Variants in XPNPEP3 observed in about 807,000 individuals in gnomAD.
The protein encoded by XPNPEP3 is X-prolyl aminopeptidase 3.
Under a neutral mutation model 60.0 loss-of-function variants are expected in XPNPEP3, and 41 were observed. That is an observed-to-expected ratio of 0.68 (90% CI 0.53 to 0.89). The LOEUF (loss-of-function observed/expected upper bound fraction) is 0.89, where lower values mean the gene tolerates loss of function less well. XPNPEP3 is among the 40% of genes least tolerant of loss of function. The pLI is 0.00. For missense variants in XPNPEP3, 598 were observed against 638.9 expected (o/e 0.94, Z 0.69); for synonymous variants, 212 against 223.2 (o/e 0.95, Z 0.45).
intron 4 of XPNPEP3, among the ~76,000 whole-genome samples, chr22:40,906,528 C>T (rs2058156284): frequency 6.6e-6 from 1 of 151,984 alleles, no homozygotes; most frequent in South Asian, 2.1e-4. Flanking sequence ...AGTGTTGTCC[C>T]CTAGGGAGCA....
Position 40,857,164 on chromosome 22 carries a change from C to T in XPNPEP3, c.-18C>T. On this transcript the variant is annotated 5_prime_UTR_variant, in exon 1 of 10. The change creates a new upstream start codon in the 5' untranslated region. Transcript: ENST00000357137. ...GTCGTTACCCTCTTTCTCTTCCCGA[C>T]GCGTGAGTTAGGCCGTAATGCCTTG... 6.2e-7 allele frequency: 1 copy of T among 1,614,094 alleles called. No homozygotes were observed. The highest frequency in any genetic ancestry group is 8.5e-7 in the Non-Finnish European group (1 of 1,180,000).
chr22:40,897,968 A>T (rs1023551662), intron 4 of XPNPEP3, among the ~76,000 whole-genome samples: 2 of 151,812 alleles, frequency 1.3e-5, no homozygotes, highest in African/African-American at 2.4e-5. Context: ...GGAATTCCTT[A>T]TATGTTTTTG....
chr22:40,891,712 GC>G (rs1312018217), intron 4 of XPNPEP3, among the ~76,000 whole-genome samples: 1 of 151,672 alleles, frequency 6.6e-6, no homozygotes, highest in Admixed American at 6.6e-5. Flanking sequence ...GAAGGATCCT[GC>G]AACAGAACTC....
chr22:40,926,215 A>G, intron 9 of XPNPEP3, 54 bp from the exon 10 acceptor site: 1 of 1,609,510 alleles, frequency 6.2e-7, no homozygotes, highest in Non-Finnish European at 8.5e-7. Context: ...ACTTGCCCCA[A>G]ACCACCCAGT....
At chr22:40,876,699 A>G (rs2058028708) in intron 2 of XPNPEP3, among the ~76,000 whole-genome samples, 1 of 152,150 alleles carries the variant, frequency 6.6e-6, no homozygotes, top group African/African-American at 2.4e-5. Flanking sequence ...TCCAACTCAC[A>G]AAAACCTAAC....
chr22:40,887,163 A>G (rs754566868), intron 4 of XPNPEP3, among the ~76,000 whole-genome samples: 44 of 152,322 alleles, frequency 2.9e-4, no homozygotes, highest in Non-Finnish European at 4.7e-4. Flanking sequence ...CAAAGTGACA[A>G]TGCTTACAGA....
chr22:40,878,896 A>G (rs900692677), intron 2 of XPNPEP3, among the ~76,000 whole-genome samples: 1 of 152,078 alleles, frequency 6.6e-6, no homozygotes, highest in Non-Finnish European at 1.5e-5. Flanking sequence ...CTGATTTTTA[A>G]ATTTCTTTTT....
intron 1 of XPNPEP3, among the ~76,000 whole-genome samples, chr22:40,866,603 A>G (rs2057979868): frequency 6.6e-6 from 1 of 152,182 alleles, no homozygotes; most frequent in Admixed American, 6.5e-5. Flanking sequence ...TAGGTCAGAT[A>G]AGGGAGCAGG....
intron 3 of XPNPEP3, among the ~76,000 whole-genome samples, chr22:40,883,341 T>C (rs750994832): frequency 9.9e-5 from 15 of 152,136 alleles, no homozygotes; most frequent in Non-Finnish European, 2.1e-4. Flanking sequence ...TTGTGGTTCA[T>C]ATACAGTTGA....
chr22:40,916,297 A>C (rs1198391642), intron 7 of XPNPEP3, among the ~76,000 whole-genome samples: 1 of 152,100 alleles, frequency 6.6e-6, no homozygotes, highest in Admixed American at 6.6e-5. Context: ...ATCTCAAACA[A>C]AGGAAAAAAA....
At chr22:40,865,264 G>A (rs2145771444) in intron 1 of XPNPEP3, among the ~76,000 whole-genome samples, 1 of 151,190 alleles carries the variant, frequency 6.6e-6, no homozygotes, top group South Asian at 2.1e-4. Context: ...ACCATATCCA[G>A]TGGTTGTCCT....
At chr22:40,902,773 A>T (rs1455950921) in intron 4 of XPNPEP3, among the ~76,000 whole-genome samples, 3 of 152,250 alleles carry the variant, frequency 2.0e-5, no homozygotes, top group Non-Finnish European at 4.4e-5. Context: ...TCATTACAGG[A>T]AAAAGGTTTC....
chr22:40,891,430 G>A (rs886076269), intron 4 of XPNPEP3, among the ~76,000 whole-genome samples: 10 of 151,812 alleles, frequency 6.6e-5, no homozygotes, highest in Middle Eastern at 3.2e-3. Context: ...CGAGGCGGGC[G>A]GATCACAAGG....
At position 40,900,610 on chromosome 22, in the gene XPNPEP3, A is replaced by C. The variant is rs541719712; in HGVS notation, c.793-6977A>C. ...AACAGAGCAAGACTCTGTCTCAAAA[A>C]AAAAATAATTAAACTTAATTTAAGA... On this transcript the variant is annotated intron_variant, in intron 4 of 9. Transcript: ENST00000357137. Among the ~76,000 whole-genome samples, 30 of 152,120 alleles carry C rather than the reference A, an allele frequency of 2.0e-4. No individual in the cohort carries two copies. The South Asian group carries it at 5.8e-3, about 29-fold the overall frequency.
intron 4 of XPNPEP3, among the ~76,000 whole-genome samples, chr22:40,893,922 C>G (rs1260900156): frequency 2.6e-5 from 4 of 152,110 alleles, no homozygotes; most frequent in Non-Finnish European, 4.4e-5. Context: ...AGCAGCTGTC[C>G]CATTTCTTCA....
intron 4 of XPNPEP3, among the ~76,000 whole-genome samples, chr22:40,904,440 A>T (rs564078012): frequency 2.6e-5 from 4 of 152,170 alleles, no homozygotes; most frequent in Admixed American, 6.5e-5. Context: ...CAGGAGGCTG[A>T]AGCAGAAGGA....
chr22:40,861,256 AGTT>A lies in XPNPEP3; in HGVS notation c.64+4016_64+4018del, dbSNP rs2057944120. 1.1e-5 allele frequency: 17 copies of A among 1,614,156 alleles called. No individual in the cohort carries two copies. The East Asian group carries it at 3.8e-4, about 36-fold the overall frequency. ...TTGGAGCTGTGAGAATTTGGTGAAT[AGTT>A]GTTGAATGACTGTGTTCTCCAGCTG... On this transcript the variant is annotated intron_variant, in intron 1 of 9. Coordinates refer to ENST00000357137, the MANE Select transcript of XPNPEP3 (RefSeq NM_022098.4).
chr22:40,876,702 A>C (rs1357709632), intron 2 of XPNPEP3, among the ~76,000 whole-genome samples: 5 of 152,216 alleles, frequency 3.3e-5, no homozygotes, highest in Admixed American at 3.3e-4. Flanking sequence ...AACTCACAAA[A>C]ACCTAACTCA....
intron 1 of XPNPEP3, among the ~76,000 whole-genome samples, chr22:40,862,952 G>A (rs1053790535): frequency 1.3e-5 from 2 of 152,220 alleles, no homozygotes; most frequent in Non-Finnish European, 2.9e-5. Context: ...AAATAGCAAT[G>A]TGCTGGGGGC....
Sources: allele counts gnomAD v4.1 joint callset (sites outside exome capture counted in the v4.1 genomes callset), GRCh38; gene constraint gnomAD v4.1.1; transcripts MANE v1.5; gene names NCBI Gene and HGNC (gene_info 2026-07-23, HGNC 2026-07-21).